TGM7: variants seen among roughly 807,000 people sequenced by gnomAD.
TGM7 encodes transglutaminase 7.
In TGM7, 74 loss-of-function variants were observed where a neutral mutation model predicts 79.5. The ratio of observed to expected loss-of-function variants is 0.93; its 90% CI spans 0.77 to 1.13. TGM7 has a LOEUF of 1.13. TGM7 is among the 50% of genes most tolerant of loss of function. TGM7 has a pLI of 0.00. For synonymous variants in TGM7, 354 were observed against 362.5 expected (o/e 0.98, Z 0.27); for missense variants, 912 against 905.9 (o/e 1.01, Z -0.09).
At chr15:43,286,093 T>C (rs570131004) in intron 6 of TGM7, among the ~76,000 whole-genome samples, 1 of 152,332 alleles carries the variant, frequency 6.6e-6, no homozygotes, top group Non-Finnish European at 1.5e-5. Flanking sequence ...CCTTTTGTTT[T>C]GGTTCACTGA....
Position 43,293,582 on chromosome 15 carries a change from G to C in TGM7, c.60C>G (p.Asn20Lys), listed in dbSNP as rs1235386844. Residue 20 changes from asparagine to lysine, a missense_variant, in exon 2 of 13, where the codon AAC (asparagine) becomes AAG (lysine). Coordinates refer to ENST00000452443, the MANE Select transcript of TGM7 (RefSeq NM_052955.3). ...ESVDLQSSRN[N>K]KEHHTQEMGV... Reference sequence around the variant, plus strand: ...CCATCTCCTGCGTGTGGTGCTCCTTGTTGTTCCTGGAGCTCTGCAGGTCGA... The same window carrying C: ...CCATCTCCTGCGTGTGGTGCTCCTTCTTGTTCCTGGAGCTCTGCAGGTCGA... 6.2e-7 allele frequency: 1 copy of C among 1,610,600 alleles called. No individual in the cohort carries two copies. The highest frequency in any genetic ancestry group is 8.5e-7 in the Non-Finnish European group (1 of 1,179,544).
chr15:43,302,133 A>G (rs1473223517), intron 1 of TGM7, 108 bp downstream of exon 1: 7 of 1,327,234 alleles, frequency 5.3e-6, no homozygotes, highest in Non-Finnish European at 6.5e-6. Context: ...ACTACCAATC[A>G]TCAATCCAGG....
rs79195312 is a variant in TGM7, at chr15:43,299,261, G to A, written c.10+2980C>T. On this transcript the variant is annotated intron_variant, in intron 1 of 12. Coordinates refer to ENST00000452443, the MANE Select transcript of TGM7 (RefSeq NM_052955.3). ...CAAAGCTGAACTTTAGGATTAATTC[G>A]ACTGTGGCATTTAGCCTAGACCAGA... Among the ~76,000 whole-genome samples the A allele has an allele frequency of 3.9e-5, 6 of 152,178 alleles. No individual in the cohort carries two copies. In the East Asian group the frequency reaches 1.2e-3, roughly 29 times the overall value.
At chr15:43,295,875 G>A (rs2042989600) in intron 1 of TGM7, among the ~76,000 whole-genome samples, 1 of 152,178 alleles carries the variant, frequency 6.6e-6, no homozygotes, top group African/African-American at 2.4e-5. Context: ...TGATGTGTTG[G>A]GGCACTTAAA....
rs1056813750 is a variant in TGM7, at chr15:43,276,319, G to A, written c.*136C>T. ...TTTATTGTCTCTTCCCAAAGCACAC[G>A]GTGTTTCTAACAGAGCTTCATTCAT... On this transcript the variant is annotated 3_prime_UTR_variant, in exon 13 of 13. Coordinates refer to ENST00000452443, the MANE Select transcript of TGM7 (RefSeq NM_052955.3). 104 of 1,010,676 alleles carry A rather than the reference G, an allele frequency of 1.0e-4. No homozygotes were observed. The highest frequency in any genetic ancestry group is 1.3e-4 in the Non-Finnish European group (93 of 690,944). 62.6% of individuals were successfully genotyped at this position (1,010,676 alleles called of 1,614,324 possible).
intron 9 of TGM7, 51 bp downstream of exon 9, chr15:43,281,793 G>A (rs568978521): frequency 6.3e-6 from 10 of 1,597,604 alleles, no homozygotes; most frequent in South Asian, 1.1e-5. Flanking sequence ...CAGCTAGGAA[G>A]CATCACAAAG....
intron 2 of TGM7, 140 bp from the exon 3 acceptor site, chr15:43,293,094 C>T (rs905167556): frequency 5.6e-6 from 7 of 1,254,456 alleles, no homozygotes; most frequent in Non-Finnish European, 7.7e-6. Context: ...TGTCCTCAGG[C>T]AAACCATTTA....
chr15:43,276,712 C>T (rs2042879526), intron 12 of TGM7, 98 bp from the exon 13 acceptor site: 1 of 1,537,404 alleles, frequency 6.5e-7, no homozygotes, highest in Admixed American at 1.9e-5. Context: ...CTCCCACTCA[C>T]CACCACCACT....
At chr15:43,300,300 G>A (rs997180114) in intron 1 of TGM7, among the ~76,000 whole-genome samples, 1 of 152,102 alleles carries the variant, frequency 6.6e-6, no homozygotes. Flanking sequence ...CATATTATCA[G>A]CCCCCTGTTA....
Position 43,279,816 on chromosome 15 carries a change from A to T in TGM7, c.1487T>A (p.Leu496Gln), listed in dbSNP as rs753428891. Reference protein sequence around the residue: ...RDQPAQLQLHLARIPEWGQDL... With the variant: ...RDQPAQLQLHQARIPEWGQDL... The stretch of plus-strand genomic sequence containing the variant: ...CTGGCCCCACTCGGGTATCCTGGCC[A>T]GGTGAAGCTGCAGCTGCGCTGGCTG... Residue 496 changes from leucine to glutamine, a missense_variant, in exon 10 of 13, where the codon CTG (leucine) becomes CAG (glutamine). Leu to Gln is a moderately radical substitution (Grantham distance 113, BLOSUM62 -2). Coordinates refer to ENST00000452443, the MANE Select transcript of TGM7 (RefSeq NM_052955.3). 1 of 1,614,226 alleles carries T rather than the reference A, an allele frequency of 6.2e-7. No individual in the cohort carries two copies. Among genetic ancestry groups the T allele is most frequent in the Non-Finnish European group, 8.5e-7 (1 of 1,180,032 alleles).
At chr15:43,278,259 G>T (rs1168957649) in intron 11 of TGM7, among the ~76,000 whole-genome samples, 1 of 152,230 alleles carries the variant, frequency 6.6e-6, no homozygotes, top group East Asian at 1.9e-4. Context: ...AGGGGCAGGT[G>T]AGAAAACGAG....
At chr15:43,290,170 T>C (rs1344987433) in intron 4 of TGM7, among the ~76,000 whole-genome samples, 1 of 152,126 alleles carries the variant, frequency 6.6e-6, no homozygotes, top group Admixed American at 6.5e-5. Context: ...ATTGCCTAGG[T>C]TTTCTTCTAG....
chr15:43,289,511 C>T (rs2042954154), intron 4 of TGM7, among the ~76,000 whole-genome samples: 1 of 152,114 alleles, frequency 6.6e-6, no homozygotes, highest in South Asian at 2.1e-4. Flanking sequence ...GTGAATTGTG[C>T]CGCAATAAAC....
At chr15:43,297,194 G>A (rs560741907) in intron 1 of TGM7, among the ~76,000 whole-genome samples, 20 of 152,182 alleles carry the variant, frequency 1.3e-4, no homozygotes, top group African/African-American at 3.6e-4. Context: ...AGTGGCTCAC[G>A]GCTGTAATCC....
intron 6 of TGM7, among the ~76,000 whole-genome samples, chr15:43,285,889 T>G (rs559415036): frequency 2.6e-5 from 4 of 151,464 alleles, no homozygotes; most frequent in Admixed American, 1.3e-4. Flanking sequence ...CAGAGCCAGA[T>G]GAAGTCAAGC....
At chr15:43,300,172 A>G (rs1439914921) in intron 1 of TGM7, among the ~76,000 whole-genome samples, 3 of 152,252 alleles carry the variant, frequency 2.0e-5, no homozygotes, top group African/African-American at 7.2e-5. Context: ...CAAGCATTTC[A>G]GAACATAGGG....
intron 11 of TGM7, among the ~76,000 whole-genome samples, chr15:43,277,498 G>A (rs764232348): frequency 2.6e-5 from 4 of 152,234 alleles, no homozygotes; most frequent in Non-Finnish European, 5.9e-5. Context: ...GTTAATGGCA[G>A]AGCCAGGACC....
chr15:43,276,311 A>C lies in TGM7; in HGVS notation c.*144T>G. On this transcript the variant is annotated 3_prime_UTR_variant, in exon 13 of 13. Coordinates refer to ENST00000452443, the MANE Select transcript of TGM7 (RefSeq NM_052955.3). Reference sequence around the variant, plus strand: ...AAGACATCTTTATTGTCTCTTCCCAAAGCACACGGTGTTTCTAACAGAGCT... The same window carrying C: ...AAGACATCTTTATTGTCTCTTCCCACAGCACACGGTGTTTCTAACAGAGCT... 1 of 973,368 alleles carries C rather than the reference A, an allele frequency of 1.0e-6. No homozygotes were observed. The highest frequency in any genetic ancestry group is 1.5e-6 in the Non-Finnish European group (1 of 659,148). 60.3% of individuals were successfully genotyped at this position (973,368 alleles called of 1,614,324 possible).
intron 12 of TGM7, 25 bp downstream of exon 12, chr15:43,276,837 G>A: frequency 1.9e-6 from 3 of 1,611,482 alleles, no homozygotes; most frequent in African/African-American, 1.3e-5. Flanking sequence ...CCAGCAAGGG[G>A]GAGGTGGGCA....
Sources: gnomAD v4.1 joint callset for allele counts (sites outside exome capture counted in the v4.1 genomes callset) on GRCh38, gnomAD v4.1.1 for gene constraint, MANE v1.5 for transcripts, NCBI Gene and HGNC (gene_info 2026-07-23, HGNC 2026-07-21) for gene names.